The following MTARC2 variants were observed in gnomAD, a reference collection of about 807,000 sequenced individuals.
The protein encoded by MTARC2 is MOCO sulphurase C-terminal domain containing 2.
In MTARC2, 27 loss-of-function variants were observed where a neutral mutation model predicts 35.6. The ratio of observed to expected loss-of-function variants is 0.76; its 90% CI spans 0.56 to 1.04. The LOEUF is 1.04. Ranked by LOEUF, MTARC2 falls within the 50% of genes least tolerant of loss-of-function variation. MTARC2 has a pLI of 0.00. For synonymous variants in MTARC2, 158 were observed against 167.1 expected (o/e 0.95, Z 0.42); for missense variants, 412 against 432.5 (o/e 0.95, Z 0.42).
At chr1:220,759,028 T>C (rs1356842302) in intron 2 of MTARC2, among the ~76,000 whole-genome samples, 1 of 152,258 alleles carries the variant, frequency 6.6e-6, no homozygotes, top group Non-Finnish European at 1.5e-5. Flanking sequence ...TAAAGTTTTA[T>C]AATTTTATCT....
rs570722138 is a variant in MTARC2, at chr1:220,750,743, A to T, written c.272+1940A>T. On this transcript the variant is annotated intron_variant, in intron 1 of 7. Transcript: ENST00000366913. ...TTGTGGGCTAGATAGTATTATCACC[A>T]TTTTGCAAATAAGGAAACAGTATCA... is the stretch of plus-strand genomic sequence containing the variant. 2.0e-5 allele frequency among the ~76,000 whole-genome samples: 3 copies of T among 152,322 alleles called. No homozygotes were observed. In the South Asian group the frequency reaches 6.2e-4, roughly 32 times the overall value.
At position 220,762,888 on chromosome 1, in the gene MTARC2, ACTAT is replaced by A. The variant is rs746659210; in HGVS notation, c.610-20_610-17del. On this transcript the variant is annotated intron_variant, in intron 3 of 7. Coordinates refer to ENST00000366913, the MANE Select transcript of MTARC2 (RefSeq NM_017898.5). The stretch of plus-strand genomic sequence containing the variant: ...CCATTTTGTGGAGTGGTGGGGCCTG[ACTAT>A]CCTGTGTTCTTGGCAAGGTGGCCTA... 5 of 1,613,676 alleles carry A rather than the reference ACTAT, an allele frequency of 3.1e-6. No homozygotes were observed. The East Asian group carries it at 8.9e-5, about 29-fold the overall frequency.
chr1:220,775,466 AT>A (rs1447379289), intron 4 of MTARC2, among the ~76,000 whole-genome samples: 1 of 152,158 alleles, frequency 6.6e-6, no homozygotes, highest in Non-Finnish European at 1.5e-5. Flanking sequence ...TCTCGAGCTG[AT>A]TTTGTGTTTA....
intron 1 of MTARC2, among the ~76,000 whole-genome samples, chr1:220,749,870 G>A (rs79610129): frequency 0.016 from 2,366 of 152,286 alleles, 27 homozygotes; most frequent in South Asian, 0.041. Context: ...ACACGCGGAT[G>A]CACTGTTTTC....
Position 220,771,140 on chromosome 1 carries a change from A to C in MTARC2, c.750+8090A>C, listed in dbSNP as rs138927232. ...ATGGTGAAACCCCATCTCTATTAAA[A>C]ATACGAAAATTAGCTAGGCATGGTG... is the stretch of plus-strand genomic sequence containing the variant. On this transcript the variant is annotated intron_variant, in intron 4 of 7. Coordinates refer to ENST00000366913, the MANE Select transcript of MTARC2 (RefSeq NM_017898.5). 2.5e-3 allele frequency among the ~76,000 whole-genome samples: 376 copies of C among 152,234 alleles called. 2 individuals are homozygous for C. The highest frequency in any genetic ancestry group is 8.7e-3 in the African/African-American group (363 of 41,546).
intron 6 of MTARC2, among the ~76,000 whole-genome samples, chr1:220,781,303 C>G (rs541652570): frequency 6.6e-6 from 1 of 152,292 alleles, no homozygotes; most frequent in African/African-American, 2.4e-5. Flanking sequence ...CTGCAGTAGT[C>G]CAGACCCATC....
Position 220,748,739 on chromosome 1 carries a change from G to C in MTARC2, c.208G>C (p.Gly70Arg), listed in dbSNP as rs1671049675. ...GATCTACCCGGTGAAATCCTGCAAA[G>C]GGGTGCCGGTGAGCGAGGCTGAGTG... ...LWIYPVKSCKGVPVSEAECTA... is the reference protein window; with the variant it reads ...LWIYPVKSCKRVPVSEAECTA... The change falls in exon 1 of 8, where the codon GGG (glycine) becomes CGG (arginine). Residue 70 changes from glycine to arginine, a missense_variant. Transcript: ENST00000366913. The C allele has an allele frequency of 6.2e-7, 1 of 1,600,628 alleles. No homozygotes were observed. Among genetic ancestry groups the C allele is most frequent in the South Asian group, 1.1e-5 (1 of 89,020 alleles).
intron 4 of MTARC2, among the ~76,000 whole-genome samples, chr1:220,769,964 G>A (rs570151391): frequency 3.1e-4 from 31 of 98,530 alleles, no homozygotes; most frequent in African/African-American, 1.3e-3. Context: ...AAAATTAAGC[G>A]GGCGTGATGG....
At chr1:220,753,363 C>T (rs753858526) in intron 1 of MTARC2, among the ~76,000 whole-genome samples, 6 of 152,256 alleles carry the variant, frequency 3.9e-5, no homozygotes, top group Non-Finnish European at 8.8e-5. Context: ...TACACTGCCA[C>T]ACCATCATAA....
chr1:220,748,518 G>T lies in MTARC2; in HGVS notation c.-14G>T. On this transcript the variant is annotated 5_prime_UTR_variant, in exon 1 of 8. Coordinates refer to ENST00000366913, the MANE Select transcript of MTARC2 (RefSeq NM_017898.5). The stretch of plus-strand genomic sequence containing the variant: ...CGGGTCTGTGCGCCGGTCCGCGCCC[G>T]CCCTCGCTCTGCCATGGGCGCTTCC... The T allele has an allele frequency of 2.2e-6, 3 of 1,384,006 alleles. No homozygotes were observed. The highest frequency in any genetic ancestry group is 2.8e-6 in the Non-Finnish European group (3 of 1,078,858). The allele number at this position is 1,384,006 out of a possible 1,614,324, so 85.7% of individuals were successfully genotyped here.
rs938399140 is a variant in MTARC2, at chr1:220,784,051, T to G, written c.*164T>G. The G allele has an allele frequency of 1.4e-6, 1 of 708,550 alleles. No individual in the cohort carries two copies. Among genetic ancestry groups the G allele is most frequent in the African/African-American group, 1.8e-5 (1 of 56,864 alleles). The allele number at this position is 708,550 out of a possible 1,614,324, so 43.9% of individuals were successfully genotyped here. A position where few individuals can be genotyped will look rare whatever the true frequency, so the allele number is the denominator to read the frequency against. ...CTCGATTTTTGACTTTTCAAAGTTGTGTATGCTCCAGGTTAATGCAAGGAA... is the reference window on the plus strand; with the variant it reads ...CTCGATTTTTGACTTTTCAAAGTTGGGTATGCTCCAGGTTAATGCAAGGAA... On this transcript the variant is annotated 3_prime_UTR_variant, in exon 8 of 8. Coordinates refer to ENST00000366913, the MANE Select transcript of MTARC2 (RefSeq NM_017898.5).
chr1:220,773,575 G>A (rs1439600978), intron 4 of MTARC2, among the ~76,000 whole-genome samples: 2 of 152,086 alleles, frequency 1.3e-5, no homozygotes, highest in East Asian at 1.9e-4. Context: ...CATCTGGGAT[G>A]GGGGGCAGTC....
At chr1:220,761,930 T>C in intron 3 of MTARC2, 110 bp downstream of exon 3, 1 of 1,072,740 alleles carries the variant, frequency 9.3e-7, no homozygotes, top group South Asian at 1.6e-5. Context: ...GAAAATATGA[T>C]AATGGCCCTG....
chr1:220,776,356 G>A (rs114217473), intron 4 of MTARC2, among the ~76,000 whole-genome samples: 190 of 151,994 alleles, frequency 1.3e-3, no homozygotes, highest in Admixed American at 2.0e-3. Flanking sequence ...GCTGAATAGC[G>A]TATTTCACTC....
intron 3 of MTARC2, among the ~76,000 whole-genome samples, chr1:220,762,070 G>A (rs189202201): frequency 5.3e-5 from 8 of 152,128 alleles, no homozygotes; most frequent in Non-Finnish European, 8.8e-5. Flanking sequence ...TATTGTGGAG[G>A]GGGGAGCCAG....
At chr1:220,770,475 G>A in intron 4 of MTARC2, 2 of 985,382 alleles carry the variant, frequency 2.0e-6, no homozygotes, top group Non-Finnish European at 2.4e-6. Flanking sequence ...TCCCTTGTAA[G>A]GAGAGGTCAT....
At chr1:220,765,929 T>C (rs1035308389) in intron 4 of MTARC2, among the ~76,000 whole-genome samples, 3 of 152,180 alleles carry the variant, frequency 2.0e-5, no homozygotes, top group Admixed American at 2.0e-4. Flanking sequence ...ACCTGAAACC[T>C]ACATGAGCAT....
intron 4 of MTARC2, among the ~76,000 whole-genome samples, chr1:220,776,598 A>C (rs566566339): frequency 6.6e-6 from 1 of 152,184 alleles, no homozygotes; most frequent in African/African-American, 2.4e-5. Flanking sequence ...TTAGGAAGTA[A>C]CTAGAGCCGG....
intron 4 of MTARC2, among the ~76,000 whole-genome samples, chr1:220,771,426 G>A (rs1671741787): frequency 6.6e-6 from 1 of 150,702 alleles, no homozygotes; most frequent in South Asian, 2.1e-4. Context: ...TTACAGAAAT[G>A]TGTCTCATGC....
Sources: allele counts gnomAD v4.1 joint callset (sites outside exome capture counted in the v4.1 genomes callset), GRCh38; gene constraint gnomAD v4.1.1; transcripts MANE v1.5; gene names NCBI Gene and HGNC (gene_info 2026-07-23, HGNC 2026-07-21).